Variants in MBOAT2 observed in about 807,000 individuals in gnomAD.
MBOAT2 encodes the protein membrane-bound glycerophospholipid O-acyltransferase 2.
In MBOAT2, 28 loss-of-function variants were observed where a neutral mutation model predicts 63.4. That is an observed-to-expected ratio of 0.44 (90% CI 0.33 to 0.61). MBOAT2 has a LOEUF of 0.61. MBOAT2 is among the 20% of genes least tolerant of loss of function. MBOAT2 has a pLI of 0.03. For synonymous variants in MBOAT2, 211 were observed against 215.6 expected (o/e 0.98, Z 0.19); for missense variants, 470 against 605.8 (o/e 0.78, Z 2.35).
intron 4 of MBOAT2, among the ~76,000 whole-genome samples, chr2:8,902,534 C>T (rs1243919267): frequency 6.6e-6 from 1 of 152,108 alleles, no homozygotes; most frequent in Non-Finnish European, 1.5e-5. Flanking sequence ...AGTGAAGCTG[C>T]AGACCTTCGT....
At chr2:8,992,489 T>C (rs368208848) in intron 1 of MBOAT2, among the ~76,000 whole-genome samples, 2 of 152,256 alleles carry the variant, frequency 1.3e-5, no homozygotes, top group East Asian at 3.8e-4. Context: ...TTCATGTATA[T>C]ATTGTAGTTT....
Position 8,971,214 on chromosome 2 carries a change from A to T in MBOAT2, c.76-12572T>A, listed in dbSNP as rs1346945744. On this transcript the variant is annotated intron_variant, in intron 1 of 12. Transcript: ENST00000305997. Reference sequence around the variant, plus strand: ...CTGGGATGCAAGGCTGGTTTAACATATGCAAATCAATAAACATAATCCAGC... The same window carrying T: ...CTGGGATGCAAGGCTGGTTTAACATTTGCAAATCAATAAACATAATCCAGC... Among the ~76,000 whole-genome samples the T allele has an allele frequency of 2.6e-5, 4 of 152,368 alleles. No individual in the cohort carries two copies. In the East Asian group the frequency reaches 7.7e-4, roughly 29 times the overall value.
intron 6 of MBOAT2, among the ~76,000 whole-genome samples, chr2:8,878,332 T>C (rs1662849460): frequency 6.6e-6 from 1 of 152,206 alleles, no homozygotes; most frequent in Non-Finnish European, 1.5e-5. Context: ...AACAGCTGCA[T>C]TAAGAAAGCC....
chr2:8,903,573 G>A (rs571037502), intron 4 of MBOAT2, among the ~76,000 whole-genome samples: 30 of 151,942 alleles, frequency 2.0e-4, no homozygotes, highest in African/African-American at 5.1e-4. Context: ...ATCTGTTCTC[G>A]CTTCCATCTA....
chr2:8,974,493 A>T, intron 1 of MBOAT2: 1 of 452,808 alleles, frequency 2.2e-6, no homozygotes, highest in Non-Finnish European at 4.4e-6. Flanking sequence ...GGCCTTGATG[A>T]GGTTGCTGAG....
At chr2:8,947,491 T>G (rs1475760179) in intron 2 of MBOAT2, among the ~76,000 whole-genome samples, 1 of 152,112 alleles carries the variant, frequency 6.6e-6, no homozygotes, top group Non-Finnish European at 1.5e-5. Context: ...ATAGAGAACT[T>G]TCATAGCTAG....
intron 3 of MBOAT2, among the ~76,000 whole-genome samples, chr2:8,935,684 C>T (rs1180115131): frequency 6.6e-6 from 1 of 152,218 alleles, no homozygotes; most frequent in Non-Finnish European, 1.5e-5. Context: ...TGCAGGTACC[C>T]TGCTCCTCAT....
rs555536783 is a variant in MBOAT2, at chr2:8,862,343, T to C, written c.1185+247A>G. The stretch of plus-strand genomic sequence containing the variant: ...AAATTCTGTAAAGACAAAGTAACAT[T>C]TTGTGAGTGCCTCCTACCTGCCGGG... On this transcript the variant is annotated intron_variant, in intron 11 of 12. Coordinates refer to ENST00000305997, the MANE Select transcript of MBOAT2 (RefSeq NM_138799.4). This position sits in a 1 kb window ranked among gnomAD's most constrained non-coding sequence, Gnocchi z 4.3. 2.6e-5 allele frequency: 37 copies of C among 1,428,336 alleles called. No individual in the cohort carries two copies. In the African/African-American group the frequency reaches 4.9e-4, roughly 19 times the overall value. The allele number at this position is 1,428,336 out of a possible 1,614,324, so 88.5% of individuals were successfully genotyped here. A position where few individuals can be genotyped will look rare whatever the true frequency, so the allele number is the denominator to read the frequency against.
intron 3 of MBOAT2, among the ~76,000 whole-genome samples, chr2:8,931,942 A>G (rs894939682): frequency 6.6e-6 from 1 of 152,146 alleles, no homozygotes; most frequent in Non-Finnish European, 1.5e-5. Flanking sequence ...CCACTGGTCT[A>G]TGTGTCTGTT....
At chr2:8,882,800 A>C (rs537006774) in intron 5 of MBOAT2, among the ~76,000 whole-genome samples, 3 of 152,298 alleles carry the variant, frequency 2.0e-5, no homozygotes, top group East Asian at 3.9e-4. Flanking sequence ...GTTATAATTA[A>C]AGAATTCCCA....
chr2:8,882,510 C>T lies in MBOAT2; in HGVS notation c.506+1G>A. ...GCAGAATAGGATGCAAAGGCACGTA[C>T]CTTACAGCTAAATCCCTCTGTGAGG... On this transcript the variant is annotated splice_donor_variant, in intron 6 of 12. Coordinates refer to ENST00000305997, the MANE Select transcript of MBOAT2 (RefSeq NM_138799.4). LOFTEE classifies it high-confidence loss of function. 1 of 1,614,174 alleles carries T rather than the reference C, an allele frequency of 6.2e-7. No homozygotes were observed. The highest frequency in any genetic ancestry group is 8.5e-7 in the Non-Finnish European group (1 of 1,180,016).
intron 3 of MBOAT2, among the ~76,000 whole-genome samples, chr2:8,912,371 AAGAGAAAGAAAG>A (rs1665828668): frequency 1.3e-5 from 1 of 78,970 alleles, no homozygotes; most frequent in South Asian, 4.9e-4. Flanking sequence ...GAAAGAAAGA[AAGAGAAAGAAAG>A]AAAGAAAGAA....
At chr2:8,968,549 GAGA>G (rs1474404313) in intron 1 of MBOAT2, among the ~76,000 whole-genome samples, 1 of 152,252 alleles carries the variant, frequency 6.6e-6, no homozygotes, top group Non-Finnish European at 1.5e-5. Flanking sequence ...GACGAGTTGA[GAGA>G]AGAAGGCTTC....
At chr2:8,977,167 C>T (rs1670876840) in intron 1 of MBOAT2, among the ~76,000 whole-genome samples, 1 of 152,212 alleles carries the variant, frequency 6.6e-6, no homozygotes, top group East Asian at 1.9e-4. Flanking sequence ...CCAAATTTTA[C>T]ACTTTTACTA....
At chr2:8,986,749 C>A (rs562861507) in intron 1 of MBOAT2, among the ~76,000 whole-genome samples, 1 of 152,182 alleles carries the variant, frequency 6.6e-6, no homozygotes, top group East Asian at 1.9e-4. Context: ...GTAGGTAGGG[C>A]CCTGGCCTGA....
chr2:8,963,641 T>C (rs1669783998), intron 1 of MBOAT2, among the ~76,000 whole-genome samples: 1 of 152,228 alleles, frequency 6.6e-6, no homozygotes, highest in Non-Finnish European at 1.5e-5. Context: ...TAAAATGTGG[T>C]GAAAATAATT....
chr2:8,863,958 C>T (rs1661674653), intron 10 of MBOAT2, among the ~76,000 whole-genome samples: 1 of 152,134 alleles, frequency 6.6e-6, no homozygotes, highest in Non-Finnish European at 1.5e-5. Context: ...ATAGCTGCAC[C>T]TGCAGGATAG....
At chr2:8,891,331 A>G (rs1473114597) in intron 4 of MBOAT2, among the ~76,000 whole-genome samples, 1 of 152,224 alleles carries the variant, frequency 6.6e-6, no homozygotes, top group Non-Finnish European at 1.5e-5. Context: ...GATTAAAGAG[A>G]GCTCAGAAAT....
intron 4 of MBOAT2, among the ~76,000 whole-genome samples, chr2:8,888,339 A>C (rs1663716546): frequency 6.6e-6 from 1 of 152,200 alleles, no homozygotes. Flanking sequence ...ATCTCCAGTG[A>C]CCCAGTGATC....
Sources: gnomAD v4.1 joint callset for allele counts (sites outside exome capture counted in the v4.1 genomes callset) on GRCh38, gnomAD v4.1.1 for gene constraint, Gnocchi (gnomAD v3.1) non-coding constraint, MANE v1.5 for transcripts, NCBI Gene and HGNC (gene_info 2026-07-23, HGNC 2026-07-21) for gene names.